NBAS: variants seen among roughly 807,000 people sequenced by gnomAD.
NBAS encodes the protein NAG/BC035112 fusion.
Under a neutral mutation model 302.5 loss-of-function variants are expected in NBAS, and 219 were observed. That is an observed-to-expected ratio of 0.72 (90% CI 0.65 to 0.81). NBAS has a LOEUF of 0.81. Ranked by LOEUF, NBAS falls within the 30% of genes least tolerant of loss-of-function variation. The pLI, the probability that NBAS is intolerant of heterozygous loss-of-function variation, is 0.00. For missense variants in NBAS, 2,932 were observed against 2,841.6 expected (o/e 1.03, Z -0.72); for synonymous variants, 1,118 against 1,021.6 (o/e 1.09, Z -1.80).
chr2:15,007,211 G>A, the NBAS span, among the ~76,000 whole-genome samples: 1 of 152,180 alleles, frequency 6.6e-6, no homozygotes, highest in East Asian at 1.9e-4. Context: ...TACACTAGGT[G>A]AGGCAATTAT....
the NBAS span, among the ~76,000 whole-genome samples, chr2:15,124,144 C>T: frequency 6.6e-6 from 1 of 152,194 alleles, no homozygotes; most frequent in African/African-American, 2.4e-5. Flanking sequence ...TAGCAAAGAG[C>T]TTGGCTGCAT....
chr2:15,414,921 G>T (rs939761872), intron 25 of NBAS, among the ~76,000 whole-genome samples: 3 of 152,118 alleles, frequency 2.0e-5, no homozygotes, highest in African/African-American at 7.2e-5. Context: ...CTCCAGCCTG[G>T]CCGAAAGAGC....
the NBAS span, among the ~76,000 whole-genome samples, chr2:15,034,228 G>GAA: frequency 1.4e-4 from 7 of 51,774 alleles, no homozygotes; most frequent in Admixed American, 2.0e-4. Flanking sequence ...GAGAGGGAAA[G>GAA]AAAGAAGGAA....
chr2:15,291,042 C>T (rs1335499854), intron 41 of NBAS, among the ~76,000 whole-genome samples: 1 of 152,212 alleles, frequency 6.6e-6, no homozygotes, highest in Non-Finnish European at 1.5e-5. Context: ...ATTATCTTTG[C>T]TATTTTAAAG....
At chr2:15,519,335 C>G (rs1662551302) in intron 9 of NBAS, among the ~76,000 whole-genome samples, 1 of 152,102 alleles carries the variant, frequency 6.6e-6, no homozygotes, top group African/African-American at 2.4e-5. Flanking sequence ...CCTTCTGTAC[C>G]TTCCTTTTCT....
intron 21 of NBAS, among the ~76,000 whole-genome samples, chr2:15,450,474 C>T (rs989707346): frequency 2.6e-5 from 4 of 152,154 alleles, no homozygotes; most frequent in African/African-American, 9.7e-5. Context: ...TTGCATCTCT[C>T]CCATCTCTAA....
At position 15,238,652 on chromosome 2, in the gene NBAS, T is replaced by C. The variant is rs1170258345; in HGVS notation, c.5759A>G (p.Lys1920Arg). The change falls in exon 45 of 52, where the codon AAG becomes AGG. Residue 1920 changes from lysine (K) to arginine (R), a missense_variant. Physicochemically the swap from Lys to Arg is conservative, Grantham distance 26 (BLOSUM62 2). Transcript: ENST00000281513. ...AAAATGTTTGACTGTCTTAATAGCC[T>C]TTCTAGTCATCTCTTTACGGGCTTC... is the stretch of plus-strand genomic sequence containing the variant. ...SVEARKEMTRKAIKTVKHFIE... is the reference protein window; with the variant it reads ...SVEARKEMTRRAIKTVKHFIE... 1 of 1,612,438 alleles carries C rather than the reference T, an allele frequency of 6.2e-7. No homozygotes were observed.
chr2:15,328,510 T>A (rs1672180616), intron 36 of NBAS, among the ~76,000 whole-genome samples, 198 bp from the exon 37 acceptor site: 1 of 152,080 alleles, frequency 6.6e-6, no homozygotes, highest in Non-Finnish European at 1.5e-5. Flanking sequence ...GAATGAAGGA[T>A]CATAACTACA....
chr2:15,002,978 C>T, the NBAS span, among the ~76,000 whole-genome samples: 1 of 152,376 alleles, frequency 6.6e-6, no homozygotes, highest in East Asian at 1.9e-4. Context: ...CAGAAGGGGG[C>T]TCCCACGGTG....
chr2:15,453,296 G>A (rs1432182799), intron 21 of NBAS, among the ~76,000 whole-genome samples: 1 of 152,142 alleles, frequency 6.6e-6, no homozygotes, highest in Non-Finnish European at 1.5e-5. Flanking sequence ...AGCACAAAGA[G>A]GCCCTAAGGA....
the NBAS span, among the ~76,000 whole-genome samples, chr2:14,944,145 A>C: frequency 6.6e-6 from 1 of 152,114 alleles, no homozygotes; most frequent in Non-Finnish European, 1.5e-5. Context: ...TAAAAAATAC[A>C]AAAAATTAGC....
intron 47 of NBAS, among the ~76,000 whole-genome samples, chr2:15,230,335 A>G (rs576040725): frequency 6.6e-6 from 1 of 152,148 alleles, no homozygotes; most frequent in Non-Finnish European, 1.5e-5. Context: ...TGCAGATTCA[A>G]AAAATACTTG....
the NBAS span, among the ~76,000 whole-genome samples, chr2:15,058,760 G>T: frequency 1.3e-5 from 2 of 152,098 alleles, no homozygotes; most frequent in African/African-American, 4.8e-5. Context: ...AACTGGCCGG[G>T]AATCTCCACT....
chr2:15,479,568 A>G (rs545942226), intron 12 of NBAS, among the ~76,000 whole-genome samples: 1 of 152,350 alleles, frequency 6.6e-6, no homozygotes. Flanking sequence ...TCAGCCTTGG[A>G]TACATTTAAG....
chr2:15,292,841 A>T, intron 40 of NBAS, 75 bp from the exon 41 acceptor site: 3 of 1,384,852 alleles, frequency 2.2e-6, no homozygotes, highest in Non-Finnish European at 2.0e-6. Context: ...AAATGGAAGA[A>T]GACCATGTCT....
At chr2:15,141,282 C>T in the NBAS span, among the ~76,000 whole-genome samples, 1 of 152,050 alleles carries the variant, frequency 6.6e-6, no homozygotes, top group Non-Finnish European at 1.5e-5. Flanking sequence ...TGTTTAAACC[C>T]AACATGTGTA....
chr2:15,408,430 T>A (rs890360167), intron 25 of NBAS, among the ~76,000 whole-genome samples: 1 of 152,232 alleles, frequency 6.6e-6, no homozygotes, highest in Non-Finnish European at 1.5e-5. Flanking sequence ...ATTTTTCTCA[T>A]ATTTACTGTT....
intron 51 of NBAS, 96 bp from the exon 52 acceptor site, chr2:15,167,419 A>G (rs560334509): frequency 6.8e-7 from 1 of 1,473,636 alleles, no homozygotes; most frequent in African/African-American, 1.4e-5. Flanking sequence ...CTTCATCATC[A>G]TTCATGCCCT....
Position 15,461,401 on chromosome 2 carries a change from T to C in NBAS, c.2203-64A>G, listed in dbSNP as rs899383240. The C allele has an allele frequency of 4.3e-5, 67 of 1,562,970 alleles. No individual in the cohort carries two copies. The Admixed American group carries it at 8.2e-4, about 19-fold the overall frequency. ...TAAGAAATAAAGGAGTGATTTTATA[T>C]GACAACATTCAAAAACTAACTTTTT... is the stretch of plus-strand genomic sequence containing the variant. On this transcript the variant is annotated intron_variant, in intron 20 of 51. Coordinates refer to ENST00000281513, the MANE Select transcript of NBAS (RefSeq NM_015909.4).
Sources: allele counts gnomAD v4.1 joint callset (sites outside exome capture counted in the v4.1 genomes callset), GRCh38; gene constraint gnomAD v4.1.1; transcripts MANE v1.5; gene names NCBI Gene and HGNC (gene_info 2026-07-23, HGNC 2026-07-21).